FADS2: variants seen among roughly 807,000 people sequenced by gnomAD.
FADS2 encodes the protein acyl-CoA 6-desaturase.
In FADS2, 18 loss-of-function variants were observed where a neutral mutation model predicts 61.2. The observed-to-expected ratio is 0.29, with a 90% CI of 0.20 to 0.44. FADS2 has a LOEUF of 0.44. FADS2 is among the 20% of genes least tolerant of loss of function. The pLI, the probability that FADS2 is intolerant of heterozygous loss-of-function variation, is 1.00. For synonymous variants in FADS2, 203 were observed against 223.9 expected, an observed-to-expected ratio of 0.91 and a Z score of 0.83; for missense variants, 322 against 572.7, an observed-to-expected ratio of 0.56 and a Z score of 4.47.
intron 1 of FADS2, among the ~76,000 whole-genome samples, chr11:61,834,549 C>T (rs2067154912): frequency 1.3e-5 from 2 of 152,228 alleles, no homozygotes; most frequent in Admixed American, 6.5e-5. Flanking sequence ...AAGGTCAAGG[C>T]AGGGCTCGTC....
chr11:61,839,924 A>C (rs1474434104), intron 2 of FADS2, among the ~76,000 whole-genome samples: 1 of 152,218 alleles, frequency 6.6e-6, no homozygotes, highest in Non-Finnish European at 1.5e-5. Flanking sequence ...ACATTGTAGC[A>C]TGTGTCAGAA....
chr11:61,817,787 G>GA (rs1276510013), intron 1 of FADS2, among the ~76,000 whole-genome samples: 2 of 152,230 alleles, frequency 1.3e-5, no homozygotes, highest in Admixed American at 6.5e-5. Context: ...TTGCAGTCCT[G>GA]AAGAGACCCA....
chr11:61,865,163 C>T lies in FADS2; in HGVS notation c.1169C>T (p.Thr390Ile). The T allele has an allele frequency of 6.2e-7, 1 of 1,613,652 alleles. No homozygotes were observed. The highest frequency in any genetic ancestry group is 8.5e-7 in the Non-Finnish European group (1 of 1,179,938). The change falls in exon 11 of 12, where the codon ACC (threonine) becomes ATC (isoleucine). Residue 390 changes from threonine to isoleucine, a missense_variant. By Grantham distance (89) the Thr-to-Ile change is moderately conservative. Coordinates refer to ENST00000278840, the MANE Select transcript of FADS2 (RefSeq NM_004265.4). This position sits in a 1 kb window ranked among gnomAD's most constrained non-coding sequence, Gnocchi z 4.1. ...NFQIEHHLFP[T>I]MPRHNLHKIA... ...TACACACTCCTCAGCCTCTTCCCCA[C>T]CATGCCCCGGCACAACTTACACAAG...
intron 5 of FADS2, among the ~76,000 whole-genome samples, chr11:61,852,053 C>T (rs2067311234): frequency 6.6e-6 from 1 of 152,114 alleles, no homozygotes; most frequent in South Asian, 2.1e-4. Context: ...GCCAGTTTTC[C>T]CGGCACCCCC....
chr11:61,824,413 A>G (rs1591161541), upstream of FADS2, among the ~76,000 whole-genome samples: 2 of 9,032 alleles, frequency 2.2e-4, no homozygotes, highest in Admixed American at 4.3e-3. Context: ...AGAGAGAGAG[A>G]GAGAGAGAGA....
chr11:61,857,500 C>T lies in FADS2; in HGVS notation c.852C>T (p.Ile284=), dbSNP rs773975070. 1.9e-6 allele frequency: 3 copies of T among 1,614,030 alleles called. No homozygotes were observed. Among genetic ancestry groups the T allele is most frequent in the South Asian group, 1.1e-5 (1 of 91,074 alleles). The change falls in exon 7 of 12, where the codon ATC becomes ATT. Residue 284 remains isoleucine (I), a synonymous_variant. Transcript: ENST00000278840. Reference sequence around the variant, plus strand: ...CCATGTATTTCCAGTACCAGATCATCATGACCATGATCGTCCATAAGAACT... The same window carrying T: ...CCATGTATTTCCAGTACCAGATCATTATGACCATGATCGTCCATAAGAACT... The part of the protein sequence containing the change: ...LIPMYFQYQI[I]MTMIVHKNWV...
chr11:61,832,884 T>G (rs539322230), intron 1 of FADS2, among the ~76,000 whole-genome samples: 2 of 152,336 alleles, frequency 1.3e-5, no homozygotes, highest in South Asian at 4.1e-4. Context: ...CTAGGCAAAG[T>G]GCCCAGTTGT....
intron 1 of FADS2, among the ~76,000 whole-genome samples, chr11:61,818,131 G>C (rs983852333): frequency 6.6e-6 from 1 of 152,228 alleles, no homozygotes; most frequent in Admixed American, 6.5e-5. Context: ...TTCTGAGCAC[G>C]TAGGAGTCAG....
At chr11:61,820,861 C>T (rs529929534) in intron 1 of FADS2, among the ~76,000 whole-genome samples, 1 of 152,250 alleles carries the variant, frequency 6.6e-6, no homozygotes, top group Admixed American at 6.5e-5. Flanking sequence ...GATTGCACCA[C>T]TGCACTCCAG....
intron 5 of FADS2, among the ~76,000 whole-genome samples, chr11:61,853,069 C>T (rs1156810123): frequency 1.3e-5 from 2 of 152,070 alleles, no homozygotes; most frequent in Non-Finnish European, 2.9e-5. Flanking sequence ...GCAAGAGAAT[C>T]GCTTGAACCT....
At position 61,828,847 on chromosome 11, in the gene FADS2, G is replaced by T; in HGVS notation, c.207+250G>T. The T allele has an allele frequency of 2.1e-6, 1 of 478,230 alleles. No homozygotes were observed. 29.6% of individuals were successfully genotyped at this position (478,230 alleles called of 1,614,324 possible). A position where few individuals can be genotyped will look rare whatever the true frequency, so the allele number is the denominator to read the frequency against. On this transcript the variant is annotated intron_variant, in intron 1 of 11. Transcript: ENST00000278840. This position sits in a 1 kb window ranked among gnomAD's most constrained non-coding sequence, Gnocchi z 6.4. ...GTGAAAGTCCCAGCGGTGGAGAACA[G>T]GGCAAGCATCTACCGCGCGCGCCGG...
At chr11:61,821,290 T>C in intron 1 of FADS2, 1 of 641,126 alleles carries the variant, frequency 1.6e-6, no homozygotes, top group Admixed American at 2.5e-5. Flanking sequence ...GAGGCTGAGG[T>C]GGGAGGATTA....
At chr11:61,847,869 C>A in intron 4 of FADS2, 3 of 386,586 alleles carry the variant, frequency 7.8e-6, no homozygotes, top group Non-Finnish European at 9.9e-6. Flanking sequence ...GCTGCCACAC[C>A]TGCTGGAGCG....
chr11:61,819,713 G>A lies in FADS2; in HGVS notation c.141+3287G>A, dbSNP rs1185321328. Among the ~76,000 whole-genome samples, 4 of 152,232 alleles carry A rather than the reference G, an allele frequency of 2.6e-5. No homozygotes were observed. In the East Asian group the frequency reaches 7.7e-4, roughly 29 times the overall value. On this transcript the variant is annotated intron_variant, in intron 1 of 11. Coordinates refer to the FADS2 transcript ENST00000257261. ...ACAGAATCAAGGAAAAATGTTTTAT[G>A]TAAATCTTTTATTTTATTATACTTT...
At position 61,840,800 on chromosome 11, in the gene FADS2, T is replaced by A. The variant is rs986432644; in HGVS notation, c.618+75T>A. On this transcript the variant is annotated intron_variant, in intron 4 of 11. Coordinates refer to ENST00000278840, the MANE Select transcript of FADS2 (RefSeq NM_004265.4). Reference sequence around the variant, plus strand: ...CAGAGGGACCAGGATTCCTCTCTGCTCAGTGCTCTGAGGCTACAGGGTGAC... The same window carrying A: ...CAGAGGGACCAGGATTCCTCTCTGCACAGTGCTCTGAGGCTACAGGGTGAC... 3 of 1,137,840 alleles carry A rather than the reference T, an allele frequency of 2.6e-6. No individual in the cohort carries two copies. In the African/African-American group the frequency reaches 4.6e-5, roughly 17 times the overall value. 70.5% of individuals were successfully genotyped at this position (1,137,840 alleles called of 1,614,324 possible).
At chr11:61,836,619 T>C (rs969586021) in intron 1 of FADS2, among the ~76,000 whole-genome samples, 2 of 152,188 alleles carry the variant, frequency 1.3e-5, no homozygotes, top group African/African-American at 4.8e-5. Flanking sequence ...TCCTCCTGCC[T>C]CTGCCTCCCA....
chr11:61,828,675 C>G lies in FADS2; in HGVS notation c.207+78C>G. On this transcript the variant is annotated intron_variant, in intron 1 of 11. Coordinates refer to ENST00000278840, the MANE Select transcript of FADS2 (RefSeq NM_004265.4). This position sits in a 1 kb window ranked among gnomAD's most constrained non-coding sequence, Gnocchi z 6.4. ...GATCCCTGGCTCCCCGTGGGCCAAA[C>G]AGACCTCCGGCGCTGAATGGAGCTT... is the stretch of plus-strand genomic sequence containing the variant. The G allele has an allele frequency of 7.5e-7, 1 of 1,328,626 alleles. No individual in the cohort carries two copies. The highest frequency in any genetic ancestry group is 1.3e-5 in the South Asian group (1 of 74,922). The allele number at this position is 1,328,626 out of a possible 1,614,324, so 82.3% of individuals were successfully genotyped here. A position where few individuals can be genotyped will look rare whatever the true frequency, so the allele number is the denominator to read the frequency against.
chr11:61,863,169 C>A, intron 8 of FADS2, 100 bp downstream of exon 8: 1 of 1,437,454 alleles, frequency 7.0e-7, no homozygotes, highest in African/African-American at 1.4e-5. Context: ...GCCTGGGGAC[C>A]TCCCATCCTG....
chr11:61,853,290 C>CCCTTCCTTCCTTCCTT (rs59872671), intron 5 of FADS2, among the ~76,000 whole-genome samples: 8,563 of 81,578 alleles, frequency 0.1, 606 homozygotes, highest in Non-Finnish European at 0.11. Context: ...CTCCCTCCCT[C>CCCTTCCTTCCTTCCTT]CCTTCCTTCC....
Sources: allele counts gnomAD v4.1 joint callset (sites outside exome capture counted in the v4.1 genomes callset), GRCh38; gene constraint gnomAD v4.1.1; non-coding constraint Gnocchi (gnomAD v3.1); transcripts MANE v1.5; gene names NCBI Gene and HGNC (gene_info 2026-07-23, HGNC 2026-07-21).